The following PPRC1 variants were observed in gnomAD, a reference collection of about 807,000 sequenced individuals.
PPRC1 encodes the protein peroxisome proliferator-activated receptor gamma coactivator-related protein 1.
Under a neutral mutation model 132.5 loss-of-function variants are expected in PPRC1, and 23 were observed. That is an observed-to-expected ratio of 0.17 (90% CI 0.12 to 0.25). The LOEUF (loss-of-function observed/expected upper bound fraction) is 0.25. PPRC1 is among the 10% of genes least tolerant of loss of function. The probability of loss-of-function intolerance (pLI) is 1.00; values close to 1 mark genes in which losing one functional copy is unlikely to be tolerated. For missense variants in PPRC1, 2,006 were observed against 2,089.1 expected, an observed-to-expected ratio of 0.96 and a Z score of 0.78; for synonymous variants, 872 against 833.5, an observed-to-expected ratio of 1.05 and a Z score of -0.80.
At chr10:102,131,906 C>T (rs936353098), upstream of PPRC1, among the ~76,000 whole-genome samples, 5 of 152,212 alleles carry the variant, frequency 3.3e-5, no homozygotes, top group African/African-American at 1.2e-4. Context: ...GATTCACCCA[C>T]TTCAGCCTCC....
chr10:102,124,641 ATTT>A, the PPRC1 span, among the ~76,000 whole-genome samples: 3 of 116,970 alleles, frequency 2.6e-5, no homozygotes, highest in Non-Finnish European at 5.3e-5. Flanking sequence ...GTGCCTGGCC[ATTT>A]TTTTTTTTTT....
At chr10:102,126,403 C>T in the PPRC1 span, among the ~76,000 whole-genome samples, 4 of 150,756 alleles carry the variant, frequency 2.7e-5, no homozygotes, top group African/African-American at 4.9e-5. Context: ...GTCTTATGGA[C>T]GGCCAAACCT....
the PPRC1 span, among the ~76,000 whole-genome samples, chr10:102,122,462 CTT>C: frequency 3.5e-3 from 466 of 133,530 alleles, 2 homozygotes; most frequent in African/African-American, 0.012. Flanking sequence ...TCTTTCTGCC[CTT>C]TTTTTTTTTT....
chr10:102,139,850 A>C lies in PPRC1; in HGVS notation c.1342A>C (p.Asn448His). 6.2e-7 allele frequency: 1 copy of C among 1,614,204 alleles called. No individual in the cohort carries two copies. The highest frequency in any genetic ancestry group is 2.2e-5 in the East Asian group (1 of 44,882). Residue 448 changes from asparagine (N) to histidine (H), a missense_variant, in exon 5 of 14, where the codon AAT becomes CAT. By Grantham distance (68) the Asn-to-His change is moderately conservative (BLOSUM62 1). Transcript: ENST00000278070. Reference protein sequence around the residue: ...VPKEPQNPPANAAPGSQRARK... With the variant: ...VPKEPQNPPAHAAPGSQRARK... ...CAAGGAGCCTCAGAACCCACCTGCCAATGCAGCACCAGGTTCCCAGAGAGC... is the reference window on the plus strand; with the variant it reads ...CAAGGAGCCTCAGAACCCACCTGCCCATGCAGCACCAGGTTCCCAGAGAGC...
At chr10:102,123,044 C>T in the PPRC1 span, among the ~76,000 whole-genome samples, 53 of 152,322 alleles carry the variant, frequency 3.5e-4, no homozygotes, top group African/African-American at 1.2e-3. Flanking sequence ...TCTAGCTTCA[C>T]CTTCTCTGGG....
chr10:102,133,014 G>C (rs929151012), upstream of PPRC1: 642 of 1,236,576 alleles, frequency 5.2e-4, 8 homozygotes, highest in Non-Finnish European at 1.1e-4. Context: ...TCCCACAATC[G>C]GCTGGGCGAG....
chr10:102,120,217 C>A, the PPRC1 span: 1 of 993,730 alleles, frequency 1.0e-6, no homozygotes, highest in Non-Finnish European at 1.2e-6. Flanking sequence ...CCGCTGCGCT[C>A]GCCGCCGGCC....
Position 102,133,073 on chromosome 10 carries a change from C to T in PPRC1, c.5C>T (p.Ala2Val). 3.2e-6 allele frequency: 4 copies of T among 1,241,990 alleles called. No homozygotes were observed. Among genetic ancestry groups the T allele is most frequent in the Non-Finnish European group, 4.0e-6 (4 of 987,960 alleles). The allele number at this position is 1,241,990 out of a possible 1,614,324, so 76.9% of individuals were successfully genotyped here. A position where few individuals can be genotyped will look rare whatever the true frequency, so the allele number is the denominator to read the frequency against. The stretch of plus-strand genomic sequence containing the variant: ...GCTGGGTGTTCAGGGGCCAAGATGG[C>T]GGCGCGCCGGGGACGGAGAGACGGA... M[A>V]ARRGRRDGVA... The change falls in exon 1 of 14, where the codon GCG becomes GTG. Residue 2 changes from alanine to valine, a missense_variant. Ala to Val is a moderately conservative substitution (Grantham distance 64). This residue lies in a region of PPRC1 where 1,914 missense variants were observed against 1,917.2 expected (regional missense o/e 1.00). Transcript: ENST00000278070.
the PPRC1 span, chr10:102,120,312 C>G: frequency 1.0e-6 from 1 of 984,400 alleles, no homozygotes; most frequent in Non-Finnish European, 1.2e-6. Context: ...GGAAGCCAGG[C>G]AGGAAGGCGA....
Position 102,139,435 on chromosome 10 carries a change from G to A in PPRC1, c.927G>A (p.Val309=), listed in dbSNP as rs780019173. 25 of 1,614,122 alleles carry A rather than the reference G, an allele frequency of 1.5e-5. No homozygotes were observed. Among genetic ancestry groups the A allele is most frequent in the Admixed American group, 6.7e-5 (4 of 60,012 alleles). ...DESISSLSEL[V]RAMHPYCLPN... ...GCATCTCCTCCCTGAGTGAGCTGGT[G>A]CGGGCCATGCACCCATACTGCCTGC... The change falls in exon 5 of 14, where the codon GTG becomes GTA. Residue 309 remains valine (V), a synonymous_variant. Coordinates refer to ENST00000278070, the MANE Select transcript of PPRC1 (RefSeq NM_015062.5).
In PPRC1 at chr10:102,139,086, C is replaced by G; in HGVS notation, c.592-14C>G. On this transcript the variant is annotated splice_polypyrimidine_tract_variant and intron_variant, in intron 4 of 13. Transcript: ENST00000278070. ...AAAGAAAACTCCTCCTGAGACCTCT[C>G]TTCTCTCCTGCAGGTTGAAATGTCT... 1 of 1,607,744 alleles carries G rather than the reference C, an allele frequency of 6.2e-7. No individual in the cohort carries two copies. Among genetic ancestry groups the G allele is most frequent in the Non-Finnish European group, 8.5e-7 (1 of 1,175,768 alleles).
At chr10:102,122,892 A>G in the PPRC1 span, among the ~76,000 whole-genome samples, 14 of 152,200 alleles carry the variant, frequency 9.2e-5, no homozygotes, top group Non-Finnish European at 2.1e-4. Context: ...TTTCATGAGG[A>G]CCTTTGGAAG....
chr10:102,138,189 G>C (rs747343148), intron 2 of PPRC1, 151 bp downstream of exon 2: 18 of 821,192 alleles, frequency 2.2e-5, no homozygotes, highest in Non-Finnish European at 3.2e-5. Context: ...TTGTCTCTAA[G>C]TGGGAATTAG....
the PPRC1 span, among the ~76,000 whole-genome samples, chr10:102,127,019 T>TTTTATATATATATATATATATA: frequency 1.3e-5 from 1 of 78,884 alleles, no homozygotes; most frequent in Non-Finnish European, 2.6e-5. Context: ...TGGTTTTTTA[T>TTTTATATATATATATATATATA]CATATATATA....
At chr10:102,138,395 G>A (rs975442855) in intron 2 of PPRC1, among the ~76,000 whole-genome samples, 3 of 152,212 alleles carry the variant, frequency 2.0e-5, no homozygotes, top group Non-Finnish European at 4.4e-5. Flanking sequence ...AGGGGAATGT[G>A]TGAAACCCAA....
the PPRC1 span, among the ~76,000 whole-genome samples, chr10:102,126,838 C>T: frequency 6.6e-6 from 1 of 151,650 alleles, no homozygotes; most frequent in East Asian, 1.9e-4. Flanking sequence ...GTGACTCCTC[C>T]CCTCTTGTCC....
rs200469703 is a variant in PPRC1 at position 102,140,955 on chromosome 10, A to C, written c.2447A>C (p.Glu816Ala). 1.2e-6 allele frequency: 2 copies of C among 1,613,912 alleles called. No individual in the cohort carries two copies. The highest frequency in any genetic ancestry group is 2.7e-5 in the African/African-American group (2 of 74,998). ...CAGAGAAGCCCTGAAACACCCCTTG[A>C]GATTTGCCTTGTGCCTGTAGGTCCC... ...ALQRSPETPL[E>A]ICLVPVGPSP... is the part of the protein sequence containing the mutation. Residue 816 changes from glutamate (E) to alanine (A), a missense_variant, in exon 5 of 14, where the codon GAG becomes GCG. Coordinates refer to ENST00000278070, the MANE Select transcript of PPRC1 (RefSeq NM_015062.5).
At chr10:102,133,570 A>T (rs1219575637) in intron 1 of PPRC1, among the ~76,000 whole-genome samples, 1 of 152,066 alleles carries the variant, frequency 6.6e-6, no homozygotes, top group Non-Finnish European at 1.5e-5. Context: ...TTTCGGAGCC[A>T]CGTGGGGTTG....
intron 1 of PPRC1, 116 bp from the exon 2 acceptor site, chr10:102,137,734 G>A (rs1039819174): frequency 1.4e-5 from 14 of 976,456 alleles, no homozygotes; most frequent in African/African-American, 3.3e-5. Context: ...GAAGTTTGGC[G>A]ACAGTGTTGC....
Sources: allele counts gnomAD v4.1 joint callset (sites outside exome capture counted in the v4.1 genomes callset), GRCh38; gene constraint gnomAD v4.1.1; regional missense constraint gnomAD v4.1.1; transcripts MANE v1.5; gene names NCBI Gene and HGNC (gene_info 2026-07-23, HGNC 2026-07-21).